The following CUL3 variants were observed in gnomAD, a reference collection of about 807,000 sequenced individuals.
The protein encoded by CUL3 is cullin 3, also known as cullin-3.
A neutral mutation model predicts 89.1 loss-of-function variants in CUL3; 19 were observed. That is an observed-to-expected ratio of 0.21 (90% CI 0.15 to 0.31). The LOEUF is 0.31. CUL3 is among the 10% of genes least tolerant of loss of function. The pLI is 1.00. For missense variants in CUL3, 469 were observed against 942.3 expected, an observed-to-expected ratio of 0.50 and a Z score of 6.58; for synonymous variants, 351 against 308.4, an observed-to-expected ratio of 1.14 and a Z score of -1.45.
At chr2:224,477,903 GAAGTA>G (rs962151882) in intron 15 of CUL3, among the ~76,000 whole-genome samples, 3 of 152,164 alleles carry the variant, frequency 2.0e-5, no homozygotes, top group Admixed American at 1.3e-4. Flanking sequence ...TTAATTTTTA[GAAGTA>G]AAGGGAGTTT....
At chr2:224,506,257 C>T (rs2106204472) in intron 7 of CUL3, 125 bp from the exon 8 acceptor site, 2 of 622,946 alleles carry the variant, frequency 3.2e-6, no homozygotes, top group South Asian at 6.7e-5. Flanking sequence ...TTTAAACTTA[C>T]AGTTTTGATA....
intron 3 of CUL3, among the ~76,000 whole-genome samples, chr2:224,524,421 C>G (rs546633032): frequency 6.6e-6 from 1 of 152,190 alleles, no homozygotes; most frequent in East Asian, 1.9e-4. Flanking sequence ...GTGATGACAC[C>G]AAGAATCCAA....
intron 3 of CUL3, among the ~76,000 whole-genome samples, chr2:224,519,083 T>C (rs377584329): frequency 6.6e-6 from 1 of 152,310 alleles, no homozygotes; most frequent in South Asian, 2.1e-4. Flanking sequence ...AAATCTGACA[T>C]CTAAAATTCT....
At chr2:224,534,516 G>T (rs1166578452) in intron 3 of CUL3, among the ~76,000 whole-genome samples, 1 of 152,166 alleles carries the variant, frequency 6.6e-6, no homozygotes, top group Non-Finnish European at 1.5e-5. Flanking sequence ...ACTTGTAAGA[G>T]AATATTCAGC....
intron 2 of CUL3, among the ~76,000 whole-genome samples, chr2:224,549,857 T>C (rs543405794): frequency 6.6e-6 from 1 of 151,972 alleles, no homozygotes; most frequent in Admixed American, 6.6e-5. Flanking sequence ...TACACATATA[T>C]GCGTGCACAC....
chr2:224,492,103 T>A (rs1199481424), intron 13 of CUL3, among the ~76,000 whole-genome samples: 1 of 152,214 alleles, frequency 6.6e-6, no homozygotes, highest in East Asian at 1.9e-4. Context: ...TTTTCCTTGC[T>A]CAGTTTTAGC....
At chr2:224,479,178 G>T (rs1042007124) in intron 14 of CUL3, 15 of 152,188 alleles carry the variant, frequency 9.9e-5, no homozygotes, top group African/African-American at 3.6e-4. Context: ...TTGCAAAGCA[G>T]CACATGGGGC....
intron 3 of CUL3, among the ~76,000 whole-genome samples, chr2:224,520,169 T>C (rs1311146524): frequency 2.6e-5 from 4 of 152,242 alleles, no homozygotes; most frequent in Non-Finnish European, 5.9e-5. Context: ...GAGTCAAGCA[T>C]TATGTTTACA....
At chr2:224,575,382 G>T (rs1411205807) in intron 1 of CUL3, among the ~76,000 whole-genome samples, 3 of 152,164 alleles carry the variant, frequency 2.0e-5, no homozygotes, top group Non-Finnish European at 4.4e-5. Context: ...AATATGTTCA[G>T]TGGGGGCAAA....
intron 6 of CUL3, among the ~76,000 whole-genome samples, chr2:224,510,219 G>GCTTTTT (rs35677866): frequency 9.5e-6 from 1 of 105,352 alleles, no homozygotes; most frequent in Non-Finnish European, 2.1e-5. Context: ...GATGACTTCT[G>GCTTTTT]TTTTTTTTTT....
At chr2:224,573,324 T>G (rs1311977594) in intron 1 of CUL3, among the ~76,000 whole-genome samples, 1 of 152,220 alleles carries the variant, frequency 6.6e-6, no homozygotes, top group Non-Finnish European at 1.5e-5. Flanking sequence ...CAATTTAAAG[T>G]AGCAAAGTGT....
At chr2:224,551,169 G>A (rs979988174) in intron 2 of CUL3, among the ~76,000 whole-genome samples, 2 of 150,228 alleles carry the variant, frequency 1.3e-5, no homozygotes, top group Admixed American at 6.6e-5. Flanking sequence ...CCTCCTGAGC[G>A]ACTGTGACTA....
chr2:224,554,131 G>T (rs6717581), intron 2 of CUL3, among the ~76,000 whole-genome samples: 28,793 of 151,808 alleles, frequency 0.19, 3,041 homozygotes, highest in South Asian at 0.27. Flanking sequence ...CACAACTACT[G>T]ATGTTTTTTT....
chr2:224,567,161 A>G (rs2106317412), intron 1 of CUL3, among the ~76,000 whole-genome samples: 1 of 152,326 alleles, frequency 6.6e-6, no homozygotes, highest in African/African-American at 2.4e-5. Context: ...ACTTTTTACT[A>G]CACTACAGAG....
rs1691147943 is a variant in CUL3 at position 224,472,005 on chromosome 2, T to G, written c.*2240A>C. 1 of 231,142 alleles carries G rather than the reference T, an allele frequency of 4.3e-6. No individual in the cohort carries two copies. Among genetic ancestry groups the G allele is most frequent in the South Asian group, 1.8e-4 (1 of 5,516 alleles). 14.3% of individuals were successfully genotyped at this position (231,142 alleles called of 1,614,324 possible). On this transcript the variant is annotated 3_prime_UTR_variant, in exon 16 of 16. Coordinates refer to ENST00000264414, the MANE Select transcript of CUL3 (RefSeq NM_003590.5). ...ACCTCTTGCTAAAAAGAAAGCAATG[T>G]TAAATGTATTTTGTTATAACCTTTA... is the stretch of plus-strand genomic sequence containing the variant.
chr2:224,500,616 G>C, intron 10 of CUL3, 129 bp from the exon 11 acceptor site: 131 of 641,672 alleles, frequency 2.0e-4, no homozygotes, highest in Middle Eastern at 4.6e-4. Flanking sequence ...AAAAAAAGCA[G>C]ATTTTCTTTT....
In CUL3 at chr2:224,499,768, T is replaced by C. The variant is rs570214843; in HGVS notation, c.1610+595A>G. The C allele has an allele frequency of 1.5e-3, 327 of 212,118 alleles. 4 individuals are homozygous for C. The highest frequency in any genetic ancestry group is 7.0e-3 in the African/African-American group (302 of 43,448). The allele number at this position is 212,118 out of a possible 1,614,324, so 13.1% of individuals were successfully genotyped here. A position where few individuals can be genotyped will look rare whatever the true frequency, so the allele number is the denominator to read the frequency against. ...TAAGTGTCCACCTTAGGCTGCTCGA[T>C]GAAGGGGGTGATACACTCATCTTCA... On this transcript the variant is annotated intron_variant, in intron 11 of 15. Coordinates refer to ENST00000264414, the MANE Select transcript of CUL3 (RefSeq NM_003590.5).
At chr2:224,486,869 G>A (rs1691744461) in intron 13 of CUL3, among the ~76,000 whole-genome samples, 1 of 151,990 alleles carries the variant, frequency 6.6e-6, no homozygotes. Context: ...AGCCAGAAAG[G>A]TCAGGTTACC....
At chr2:224,521,433 C>CT (rs768599132) in intron 3 of CUL3, among the ~76,000 whole-genome samples, 1,709 of 140,586 alleles carry the variant, frequency 0.012, 25 homozygotes, top group African/African-American at 0.028. Flanking sequence ...TTTCATACTT[C>CT]TTTTTTTTTT....
Sources: gnomAD v4.1 joint callset for allele counts (sites outside exome capture counted in the v4.1 genomes callset) on GRCh38, gnomAD v4.1.1 for gene constraint, MANE v1.5 for transcripts, NCBI Gene and HGNC (gene_info 2026-07-23, HGNC 2026-07-21) for gene names.